RIPK4: variants seen among roughly 807,000 people sequenced by gnomAD.
RIPK4 encodes receptor-interacting serine/threonine-protein kinase 4.
Under a neutral mutation model 42.9 loss-of-function variants are expected in RIPK4, and 17 were observed. The ratio of observed to expected loss-of-function variants is 0.40; its 90% CI spans 0.27 to 0.59. RIPK4 has a LOEUF of 0.59. RIPK4 is among the 20% of genes least tolerant of loss of function. The pLI is 0.47. For synonymous variants in RIPK4, 498 were observed against 499.1 expected (o/e 1.00, Z 0.03); for missense variants, 897 against 1,104.4 (o/e 0.81, Z 2.66).
intron 1 of RIPK4, among the ~76,000 whole-genome samples, chr21:41,760,946 GC>G (rs1390632209): frequency 6.6e-6 from 1 of 152,200 alleles, no homozygotes; most frequent in African/African-American, 2.4e-5. Context: ...AAAACAAGAT[GC>G]CCACCAGTGT....
At chr21:41,756,444 G>C in intron 2 of RIPK4, 81 bp downstream of exon 2, 3 of 1,521,894 alleles carry the variant, frequency 2.0e-6, no homozygotes, top group Non-Finnish European at 2.7e-6. Context: ...CCTGACCTCA[G>C]GGCTTGACCC....
intron 1 of RIPK4, among the ~76,000 whole-genome samples, chr21:41,760,362 G>A (rs964776533): frequency 2.6e-5 from 4 of 152,182 alleles, no homozygotes; most frequent in Non-Finnish European, 5.9e-5. Flanking sequence ...TAAGGAAGAA[G>A]ATGGCGAACT....
In RIPK4 at chr21:41,753,603, T is replaced by C. The variant is rs537427038; in HGVS notation, c.475-2358A>G. ...CCCCGTGTCCTCAACAGCGAGCTAC[T>C]GTGGCATCCACTCTGACCAGCAAAT... is the stretch of plus-strand genomic sequence containing the variant. On this transcript the variant is annotated intron_variant, in intron 2 of 7. Coordinates refer to ENST00000332512, the MANE Select transcript of RIPK4 (RefSeq NM_020639.3). 1.3e-4 allele frequency among the ~76,000 whole-genome samples: 20 copies of C among 152,318 alleles called. 1 individual carries two copies. Among genetic ancestry groups the C allele is most frequent in the Admixed American group, 8.5e-4 (13 of 15,304 alleles).
At chr21:41,760,586 G>C (rs2061217651) in intron 1 of RIPK4, among the ~76,000 whole-genome samples, 1 of 152,236 alleles carries the variant, frequency 6.6e-6, no homozygotes, top group South Asian at 2.1e-4. Context: ...GCTTGGCAAA[G>C]CAGAGAGGGG....
chr21:41,744,994 C>T (rs1038756004), intron 6 of RIPK4, among the ~76,000 whole-genome samples: 5 of 152,172 alleles, frequency 3.3e-5, no homozygotes, highest in Admixed American at 6.5e-5. Flanking sequence ...CTTTGTGGGA[C>T]GGCTCGAGGT....
Position 41,740,629 on chromosome 21 carries a change from T to C in RIPK4, c.*209A>G. On this transcript the variant is annotated 3_prime_UTR_variant, in exon 8 of 8. Transcript: ENST00000332512. ...AGACAGCAGGTGCCTAGATCGATGATGGAGCGGGCATGTGCACCTGAGCCA... is the reference window on the plus strand; with the variant it reads ...AGACAGCAGGTGCCTAGATCGATGACGGAGCGGGCATGTGCACCTGAGCCA... The C allele has an allele frequency of 1.7e-6, 1 of 572,788 alleles. No individual in the cohort carries two copies. The highest frequency in any genetic ancestry group is 3.1e-6 in the Non-Finnish European group (1 of 325,962). 35.5% of individuals were successfully genotyped at this position (572,788 alleles called of 1,614,324 possible).
rs12482719 is a variant in RIPK4 at position 41,762,503 on chromosome 21, G to A, written c.182+4357C>T. Among the ~76,000 whole-genome samples the A allele has an allele frequency of 8.1e-3, 1,237 of 152,288 alleles. 11 individuals carry two copies. The highest frequency in any genetic ancestry group is 0.013 in the Admixed American group (197 of 15,304). ...ATCTGGGAAACTCCAGCGGCTTTAG[G>A]AAGCTCCAGCCCTTCTGGGGTCGGG... On this transcript the variant is annotated intron_variant, in intron 1 of 7. Coordinates refer to ENST00000332512, the MANE Select transcript of RIPK4 (RefSeq NM_020639.3).
chr21:41,743,992 A>G lies in RIPK4; in HGVS notation c.1085T>C (p.Leu362Pro). ...ELSRSSSESK[L>P]PSSGSGKRLS... ...CCTCTTCCCACTGCCGGACGATGGC[A>G]GCTTGGACTCAGAGGAGCTGCGGCT... Residue 362 changes from leucine (L) to proline (P), a missense_variant, in exon 7 of 8, where the codon CTG becomes CCG. By Grantham distance (98) the Leu-to-Pro change is moderately conservative (BLOSUM62 -3). Transcript: ENST00000332512. The G allele has an allele frequency of 6.2e-7, 1 of 1,613,472 alleles. No homozygotes were observed.
At chr21:41,746,903 C>A in intron 4 of RIPK4, 132 bp from the exon 5 acceptor site, 1 of 1,009,064 alleles carries the variant, frequency 9.9e-7, no homozygotes, top group East Asian at 2.6e-5. Flanking sequence ...AGACGGCTCC[C>A]CCACTCCGTT....
At position 41,741,920 on chromosome 21, in the gene RIPK4, T is replaced by C; in HGVS notation, c.1273A>G (p.Ile425Val). The change falls in exon 8 of 8, where the codon ATC becomes GTC. Residue 425 changes from isoleucine (I) to valine (V), a missense_variant. Coordinates refer to ENST00000332512, the MANE Select transcript of RIPK4 (RefSeq NM_020639.3). ...AGGTCCACGTCCTGCGGCTGCAGGA[T>C]CTTCATCAGTTTGCTGGTGTCCCCG... ...VSGDTSKLMK[I>V]LQPQDVDLAL... 6.2e-7 allele frequency: 1 copy of C among 1,613,096 alleles called. No individual in the cohort carries two copies. The highest frequency in any genetic ancestry group is 8.5e-7 in the Non-Finnish European group (1 of 1,179,602).
At chr21:41,758,248 T>C (rs1340396302) in intron 1 of RIPK4, among the ~76,000 whole-genome samples, 1 of 151,938 alleles carries the variant, frequency 6.6e-6, no homozygotes, top group Non-Finnish European at 1.5e-5. Context: ...CAATAACTCC[T>C]TCCCTCATCC....
intron 4 of RIPK4, among the ~76,000 whole-genome samples, chr21:41,747,974 A>G (rs1490601434): frequency 6.6e-6 from 1 of 152,224 alleles, no homozygotes; most frequent in Non-Finnish European, 1.5e-5. Context: ...ATATTCAGCA[A>G]TAAAGCACAA....
At chr21:41,761,922 C>T (rs565730432) in intron 1 of RIPK4, among the ~76,000 whole-genome samples, 2 of 152,252 alleles carry the variant, frequency 1.3e-5, no homozygotes, top group Admixed American at 6.5e-5. Flanking sequence ...CCCAGCGCAC[C>T]GAGTTCAGCA....
intron 1 of RIPK4, among the ~76,000 whole-genome samples, chr21:41,764,275 G>A (rs566867447): frequency 6.6e-5 from 10 of 152,350 alleles, no homozygotes; most frequent in African/African-American, 2.4e-4. Flanking sequence ...GCCTGGCCCA[G>A]GGGAGCTGCA....
At position 41,766,845 on chromosome 21, in the gene RIPK4, G is replaced by A; in HGVS notation, c.182+15C>T. 6 of 1,601,196 alleles carry A rather than the reference G, an allele frequency of 3.7e-6. No homozygotes were observed. Among genetic ancestry groups the A allele is most frequent in the Non-Finnish European group, 5.1e-6 (6 of 1,174,604 alleles). On this transcript the variant is annotated intron_variant, in intron 1 of 7. Transcript: ENST00000332512. ...CGGGCCCCAGCCGCCCCAGCGCCCC[G>A]CCCGGGCCGCTCACCTGTCGTCGAC...
chr21:41,760,123 C>T (rs537955170), intron 1 of RIPK4, among the ~76,000 whole-genome samples: 16 of 152,364 alleles, frequency 1.1e-4, no homozygotes, highest in African/African-American at 3.8e-4. Flanking sequence ...TACTCAGCCC[C>T]AAATGCCAAC....
chr21:41,761,595 A>G (rs559422459), intron 1 of RIPK4, among the ~76,000 whole-genome samples: 18 of 152,100 alleles, frequency 1.2e-4, no homozygotes, highest in Non-Finnish European at 2.4e-4. Context: ...TCCTCGCCGG[A>G]GGGTTTTGAG....
At chr21:41,745,676 G>C (rs973579609) in intron 6 of RIPK4, 83 bp downstream of exon 6, 1 of 1,004,558 alleles carries the variant, frequency 1.0e-6, no homozygotes, top group East Asian at 2.4e-5. Flanking sequence ...CGGGCGGCGG[G>C]GGACTCTGCA....
intron 1 of RIPK4, among the ~76,000 whole-genome samples, chr21:41,766,268 GA>G (rs1163907973): frequency 2.6e-5 from 4 of 152,236 alleles, no homozygotes; most frequent in Non-Finnish European, 5.9e-5. Context: ...GGGCGCCCGG[GA>G]AGCCTCGCCC....
Sources: allele counts gnomAD v4.1 joint callset (sites outside exome capture counted in the v4.1 genomes callset), GRCh38; gene constraint gnomAD v4.1.1; transcripts MANE v1.5; gene names NCBI Gene and HGNC (gene_info 2026-07-23, HGNC 2026-07-21).